CD81: variants seen among roughly 807,000 people sequenced by gnomAD.
CD81 encodes the protein CD81 molecule.
CD81 carries 10 observed loss-of-function variants against 30.1 expected under a neutral mutation model. The observed-to-expected ratio is 0.33, with a 90% CI of 0.21 to 0.56. CD81 has a LOEUF of 0.56. Ranked by LOEUF, CD81 falls within the 20% of genes least tolerant of loss-of-function variation. CD81 has a pLI of 0.89. For missense variants in CD81, 263 were observed against 308.7 expected (o/e 0.85, Z 1.11); for synonymous variants, 147 against 126.4 (o/e 1.16, Z -1.10).
intron 1 of CD81, 128 bp from the exon 2 acceptor site, chr11:2,390,284 G>T: frequency 1.3e-6 from 1 of 796,332 alleles, no homozygotes; most frequent in Non-Finnish European, 2.2e-6. Flanking sequence ...ACCAGCAGCA[G>T]AGCTGACACC....
chr11:2,388,774 G>C (rs886282944), intron 1 of CD81, among the ~76,000 whole-genome samples: 3 of 152,112 alleles, frequency 2.0e-5, no homozygotes, highest in African/African-American at 7.2e-5. Context: ...TTCATCTCCT[G>C]TCCCCCTGCC....
upstream of CD81, chr11:2,376,906 C>T (rs1182878503): frequency 6.6e-6 from 1 of 152,326 alleles, no homozygotes; most frequent in Admixed American, 6.5e-5. Flanking sequence ...AGGAAGCCCT[C>T]CCGGATTGTC....
chr11:2,381,069 G>A (rs779803446), intron 1 of CD81, among the ~76,000 whole-genome samples: 9 of 152,216 alleles, frequency 5.9e-5, no homozygotes, highest in Non-Finnish European at 1.3e-4. Context: ...GTGGGGGAGG[G>A]GGCTAGGACA....
rs773397648 is a variant in CD81 at position 2,394,968 on chromosome 11, C to G, written c.280-4C>G. On this transcript the variant is annotated splice_region_variant and splice_polypyrimidine_tract_variant and intron_variant, in intron 3 of 7. Coordinates refer to ENST00000263645, the MANE Select transcript of CD81 (RefSeq NM_004356.4). Reference sequence around the variant, plus strand: ...TCCTCCCTCTGGCCACTGCCCGGCTCCAGTTCTTCACCTGCCTGGTCATCC... The same window carrying G: ...TCCTCCCTCTGGCCACTGCCCGGCTGCAGTTCTTCACCTGCCTGGTCATCC... 1.2e-6 allele frequency: 2 copies of G among 1,612,540 alleles called. No individual in the cohort carries two copies. The highest frequency in any genetic ancestry group is 1.7e-6 in the Non-Finnish European group (2 of 1,179,936).
intron 1 of CD81, among the ~76,000 whole-genome samples, chr11:2,386,917 G>A (rs747064621): frequency 6.6e-5 from 10 of 152,228 alleles, no homozygotes; most frequent in Admixed American, 1.3e-4. Context: ...GCCTGGGGCC[G>A]GGGCTTGTCT....
In CD81 at chr11:2,378,660, G is replaced by A. The variant is rs375117357; in HGVS notation, c.66+1045G>A. ...TGGAAGGACTGGAGTGGGTGTCCAT[G>A]GCCGCGGCCTCCCCGTGGCCACGCC... On this transcript the variant is annotated intron_variant, in intron 1 of 7. Coordinates refer to ENST00000263645, the MANE Select transcript of CD81 (RefSeq NM_004356.4). This position sits in a 1 kb window ranked among gnomAD's most constrained non-coding sequence, Gnocchi z 4.9. Among the ~76,000 whole-genome samples the A allele has an allele frequency of 1.6e-4, 25 of 152,204 alleles. No individual in the cohort carries two copies. Among genetic ancestry groups the A allele is most frequent in the East Asian group, 5.8e-4 (3 of 5,182 alleles).
chr11:2,382,360 T>A (rs1347804654), intron 1 of CD81: 1 of 152,114 alleles, frequency 6.6e-6, no homozygotes, highest in Non-Finnish European at 1.5e-5. Context: ...AGTCCAGGTG[T>A]GAGATTCCAA....
At chr11:2,388,252 G>A (rs11821368) in intron 1 of CD81, among the ~76,000 whole-genome samples, 15,973 of 152,218 alleles carry the variant, frequency 0.1, 2,423 homozygotes, top group African/African-American at 0.34. Flanking sequence ...CTCAGGTCCC[G>A]GAGGAGGGGA....
In CD81 at chr11:2,396,617, C is replaced by A. The variant is rs767623120; in HGVS notation, c.562-11C>A. On this transcript the variant is annotated splice_polypyrimidine_tract_variant and intron_variant, in intron 6 of 7. Transcript: ENST00000263645. ...CGGTCCCTGACCACGCGTGCCTGGC[C>A]ACCCCTGCAGGAGGACTGCCACCAG... 12 of 1,609,586 alleles carry A rather than the reference C, an allele frequency of 7.5e-6. No individual in the cohort carries two copies. In the East Asian group the frequency reaches 2.7e-4, roughly 36 times the overall value.
chr11:2,394,743 A>C, intron 3 of CD81: 1 of 623,860 alleles, frequency 1.6e-6, no homozygotes, highest in East Asian at 2.8e-5. Flanking sequence ...CGTCCTGTGG[A>C]GCCTGGTGCC....
rs192247964 is a variant in CD81 at position 2,378,529 on chromosome 11, T to C, written c.66+914T>C. Among the ~76,000 whole-genome samples the C allele has an allele frequency of 4.6e-5, 7 of 152,352 alleles. No homozygotes were observed. Among genetic ancestry groups the C allele is most frequent in the Non-Finnish European group, 7.3e-5 (5 of 68,040 alleles). ...TCTTTTGCTGAGAATGGCTTTCTCC[T>C]GACCGCAGTCTTTGCTGCTGGGAAG... On this transcript the variant is annotated intron_variant, in intron 1 of 7. Transcript: ENST00000263645. This position sits in a 1 kb window ranked among gnomAD's most constrained non-coding sequence, Gnocchi z 4.9.
At chr11:2,388,191 C>T (rs989883076) in intron 1 of CD81, among the ~76,000 whole-genome samples, 6 of 152,236 alleles carry the variant, frequency 3.9e-5, no homozygotes, top group South Asian at 2.1e-4. Context: ...GGATTACAGG[C>T]GCTTGCTACC....
chr11:2,390,297 G>A, intron 1 of CD81, 115 bp from the exon 2 acceptor site: 1 of 830,894 alleles, frequency 1.2e-6, no homozygotes, highest in Non-Finnish European at 2.1e-6. Flanking sequence ...CTGACACCTG[G>A]TCCCTGCTCG....
chr11:2,384,643 C>T (rs964664902), intron 1 of CD81: 4 of 189,866 alleles, frequency 2.1e-5, no homozygotes, highest in East Asian at 1.8e-4. Flanking sequence ...GCTGGAGTAT[C>T]TTGGGAGGTG....
chr11:2,395,748 C>T (rs1364893688), intron 5 of CD81, 121 bp from the exon 6 acceptor site: 6 of 798,868 alleles, frequency 7.5e-6, no homozygotes, highest in Non-Finnish European at 1.3e-5. Context: ...GAAGGCTGGC[C>T]CCTGGATGCA....
chr11:2,390,166 T>C, intron 1 of CD81: 1 of 608,658 alleles, frequency 1.6e-6, no homozygotes, highest in Non-Finnish European at 3.0e-6. Context: ...AGTCCTGCCC[T>C]GGAGTCACAC....
chr11:2,386,342 G>A, intron 1 of CD81: 2 of 621,616 alleles, frequency 3.2e-6, no homozygotes, highest in South Asian at 3.8e-5. Context: ...TCGGAGAGCA[G>A]GTGTCTTTCG....
chr11:2,395,117 G>A, intron 4 of CD81, 71 bp downstream of exon 4: 3 of 1,331,040 alleles, frequency 2.3e-6, no homozygotes, highest in Non-Finnish European at 2.2e-6. Context: ...CGCGGGTGGG[G>A]GTTGGGCTGA....
Position 2,395,975 on chromosome 11 carries a change from G to A in CD81, c.561+5G>A, listed in dbSNP as rs376624998. On this transcript the variant is annotated splice_donor_5th_base_variant and intron_variant, in intron 6 of 7. Transcript: ENST00000263645. ...ATCATCAGCAACCTCTTCAAGGTGC[G>A]CGAGGCCGGTGGGGCCGCGCCTGAC... 1.6e-5 allele frequency: 26 copies of A among 1,599,414 alleles called. No homozygotes were observed. The highest frequency in any genetic ancestry group is 1.2e-4 in the Admixed American group (7 of 59,988).
Sources: gnomAD v4.1 joint callset for allele counts (sites outside exome capture counted in the v4.1 genomes callset) on GRCh38, gnomAD v4.1.1 for gene constraint, Gnocchi (gnomAD v3.1) non-coding constraint, MANE v1.5 for transcripts, NCBI Gene and HGNC (gene_info 2026-07-23, HGNC 2026-07-21) for gene names.